CSRNP1: variants seen among roughly 807,000 people sequenced by gnomAD.
CSRNP1 encodes the protein cysteine/serine-rich nuclear protein 1.
In CSRNP1, 8 loss-of-function variants were observed where a neutral mutation model predicts 25.0. The ratio of observed to expected loss-of-function variants is 0.32; its 90% CI spans 0.19 to 0.58. The LOEUF (loss-of-function observed/expected upper bound fraction) is 0.58, where lower values mean the gene tolerates loss of function less well. Ranked by LOEUF, CSRNP1 falls within the 20% of genes least tolerant of loss-of-function variation. The pLI, the probability that CSRNP1 is intolerant of heterozygous loss-of-function variation, is 0.88. For missense variants in CSRNP1, 691 were observed against 773.1 expected (o/e 0.89, Z 1.26); for synonymous variants, 305 against 303.1 (o/e 1.01, Z -0.06).
intron 1 of CSRNP1, chr3:39,153,191 T>C (rs2039608407): frequency 6.6e-6 from 1 of 151,936 alleles, no homozygotes; most frequent in Non-Finnish European, 1.5e-5. Flanking sequence ...CGGGGAGCCG[T>C]GACTTCTCTC....
rs1187579828 is a variant in CSRNP1, at chr3:39,143,979, C to T, written c.846G>A (p.Val282=). 1 of 1,614,008 alleles carries T rather than the reference C, an allele frequency of 6.2e-7. No individual in the cohort carries two copies. The highest frequency in any genetic ancestry group is 8.5e-7 in the Non-Finnish European group (1 of 1,180,024). Residue 282 remains valine, a synonymous_variant, in exon 5 of 5, where the codon GTG becomes GTA. Coordinates refer to ENST00000273153, the MANE Select transcript of CSRNP1 (RefSeq NM_033027.4). ...REGCENPMGR[V]EFNQARVQTH... Reference sequence around the variant, plus strand: ...TCTGAACTCTTGCCTGATTAAATTCCACACGGCCCATGGGGTTCTCACAGC... The same window carrying T: ...TCTGAACTCTTGCCTGATTAAATTCTACACGGCCCATGGGGTTCTCACAGC...
chr3:39,144,224 G>A lies in CSRNP1; in HGVS notation c.693C>T (p.Arg231=), dbSNP rs774706181. The A allele has an allele frequency of 3.7e-6, 6 of 1,614,014 alleles. No individual in the cohort carries two copies. In the African/African-American group the frequency reaches 5.3e-5, roughly 14 times the overall value. The change falls in exon 4 of 5, where the codon CGC becomes CGT. Residue 231 remains arginine (R), a synonymous_variant. Transcript: ENST00000273153. ...GACAGCCACAATCCTCCCGGGATTG[G>A]CGCAGTGCCTGCAGCTCCCGCTTCT... ...REEKRELQAL[R]QSREDCGCHC... is the part of the protein sequence containing the mutation.
Position 39,144,030 on chromosome 3 carries a change from T to G in CSRNP1, c.795A>C (p.Ala265=). ...CCTCCCTGCAGCAGCCACAGGGGAA[T>G]GCTGTGTGGTCCATCTGCAGAGAAA... ...AGIKCQMDHT[A]FPCGCCREGC... is the part of the protein sequence containing the mutation. The change falls in exon 5 of 5, where the codon GCA becomes GCC. Residue 265 remains alanine (A), a synonymous_variant. Coordinates refer to ENST00000273153, the MANE Select transcript of CSRNP1 (RefSeq NM_033027.4). 6.2e-7 allele frequency: 1 copy of G among 1,611,918 alleles called. No individual in the cohort carries two copies. The highest frequency in any genetic ancestry group is 1.1e-5 in the South Asian group (1 of 91,080).
intron 2 of CSRNP1, among the ~76,000 whole-genome samples, chr3:39,146,204 G>A (rs2039507941): frequency 6.6e-6 from 1 of 152,136 alleles, no homozygotes; most frequent in South Asian, 2.1e-4. Context: ...AAACGAAACT[G>A]GAACAGAAGG....
At chr3:39,146,409 G>A (rs2039511349) in intron 2 of CSRNP1, 69 bp downstream of exon 2, 1 of 1,472,306 alleles carries the variant, frequency 6.8e-7, no homozygotes, top group Non-Finnish European at 9.0e-7. Context: ...CATTTGGTCA[G>A]GGACTTCTAA....
chr3:39,144,248 C>T lies in CSRNP1; in HGVS notation c.669G>A (p.Glu223=). The change falls in exon 4 of 5, where the codon GAG becomes GAA. Residue 223 remains glutamate, a synonymous_variant. Coordinates refer to ENST00000273153, the MANE Select transcript of CSRNP1 (RefSeq NM_033027.4). ...GGCGCAGTGCCTGCAGCTCCCGCTT[C>T]TCCTCCCGATCGATCCTTCGCACAC... is the stretch of plus-strand genomic sequence containing the variant. ...ASGVRRIDRE[E]KRELQALRQS... 1 of 1,614,180 alleles carries T rather than the reference C, an allele frequency of 6.2e-7. No homozygotes were observed. The highest frequency in any genetic ancestry group is 8.5e-7 in the Non-Finnish European group (1 of 1,180,024).
At chr3:39,148,744 C>T (rs1009291138) in intron 1 of CSRNP1, 1 of 152,410 alleles carries the variant, frequency 6.6e-6, no homozygotes, top group African/African-American at 2.4e-5. Flanking sequence ...CCATCTATAT[C>T]CAGGCACGCC....
At position 39,146,587 on chromosome 3, in the gene CSRNP1, G is replaced by T; in HGVS notation, c.96C>A (p.Ser32=). 1 of 1,562,650 alleles carries T rather than the reference G, an allele frequency of 6.4e-7. No homozygotes were observed. Residue 32 remains serine, a synonymous_variant, in exon 2 of 5, where the codon TCC becomes TCA. Coordinates refer to ENST00000273153, the MANE Select transcript of CSRNP1 (RefSeq NM_033027.4). The stretch of plus-strand genomic sequence containing the variant: ...GGGAGACAGAAGAGCTTGGGGAGCA[G>T]GAGCGAGACTGGCACCCAGAGGAAG... ...SSSSSGCQSR[S]CSPSSSVSRA... is the part of the protein sequence containing the mutation.
In CSRNP1 at chr3:39,153,472, GACCCGCGTCCCGGCCGGGGA is replaced by G. The variant is rs2039612804; in HGVS notation, c.-95_-76del. 1 of 321,980 alleles carries G rather than the reference GACCCGCGTCCCGGCCGGGGA, an allele frequency of 3.1e-6. No homozygotes were observed. The highest frequency in any genetic ancestry group is 3.6e-5 in the Admixed American group (1 of 27,538). The allele number at this position is 321,980 out of a possible 1,614,324, so 19.9% of individuals were successfully genotyped here. ...GGACGCTCGCGGAGGACAACGACGC[GACCCGCGTCCCGGCCGGGGA>G]CGCCCCCTGCGCCGCGACTCTGTGC... On this transcript the variant is annotated 5_prime_UTR_variant, in exon 1 of 5. Coordinates refer to ENST00000273153, the MANE Select transcript of CSRNP1 (RefSeq NM_033027.4).
chr3:39,150,271 C>G (rs921841275), intron 1 of CSRNP1: 3 of 152,290 alleles, frequency 2.0e-5, no homozygotes, highest in Admixed American at 6.5e-5. Flanking sequence ...TATATCTGAT[C>G]AGACTGCAAG....
chr3:39,153,455 G>T lies in CSRNP1; in HGVS notation c.-58C>A. ...GCGCTCACCTGCAATCCGGACGCTCGCGGAGGACAACGACGCGACCCGCGT... is the reference window on the plus strand; with the variant it reads ...GCGCTCACCTGCAATCCGGACGCTCTCGGAGGACAACGACGCGACCCGCGT... On this transcript the variant is annotated 5_prime_UTR_variant, in exon 1 of 5. Coordinates refer to ENST00000273153, the MANE Select transcript of CSRNP1 (RefSeq NM_033027.4). The T allele has an allele frequency of 3.0e-6, 1 of 330,266 alleles. No homozygotes were observed. Among genetic ancestry groups the T allele is most frequent in the Non-Finnish European group, 6.3e-6 (1 of 158,358 alleles). 20.5% of individuals were successfully genotyped at this position (330,266 alleles called of 1,614,324 possible). A position where few individuals can be genotyped will look rare whatever the true frequency, so the allele number is the denominator to read the frequency against.
In CSRNP1 at chr3:39,143,464, A is replaced by C. The variant is rs2039447395; in HGVS notation, c.1361T>G (p.Leu454Arg). The C allele has an allele frequency of 6.2e-7, 1 of 1,614,046 alleles. No homozygotes were observed. Among genetic ancestry groups the C allele is most frequent in the Non-Finnish European group, 8.5e-7 (1 of 1,179,980 alleles). The change falls in exon 5 of 5, where the codon CTG becomes CGG. Residue 454 changes from leucine (L) to arginine (R), a missense_variant. Leu to Arg is a moderately radical substitution (Grantham distance 102). Coordinates refer to ENST00000273153, the MANE Select transcript of CSRNP1 (RefSeq NM_033027.4). ...GGCATCCAGGTTGGCATTCTCATCC[A>C]GGACGCCTGATGTGAAGCTACAGCC... is the stretch of plus-strand genomic sequence containing the variant. ...YSGCSFTSGV[L>R]DENANLDASC...
rs2039424965 is a variant in CSRNP1, at chr3:39,142,420, G to A, written c.*635C>T. 6.5e-6 allele frequency: 1 copy of A among 152,992 alleles called. No homozygotes were observed. The allele number at this position is 152,992 out of a possible 1,614,324, so 9.5% of individuals were successfully genotyped here. ...CACCTGCCCACAGAGCCATCTAGGA[G>A]CCAGGCAGCAGACATAGATCACAGA... On this transcript the variant is annotated 3_prime_UTR_variant, in exon 5 of 5. Coordinates refer to ENST00000273153, the MANE Select transcript of CSRNP1 (RefSeq NM_033027.4).
rs746601332 is a variant in CSRNP1 at position 39,145,063 on chromosome 3, G to A, written c.399C>T (p.Ala133=). Residue 133 remains alanine (A), a synonymous_variant, in exon 3 of 5, where the codon GCC becomes GCT. Coordinates refer to ENST00000273153, the MANE Select transcript of CSRNP1 (RefSeq NM_033027.4). Reference sequence around the variant, plus strand: ...GGCGGAGCTTCTCGTGCCGTGCACGGGCTTGCTCCTGCGCAAACTCAGCCA... The same window carrying A: ...GGCGGAGCTTCTCGTGCCGTGCACGAGCTTGCTCCTGCGCAAACTCAGCCA... ...FSLAEFAQEQ[A]RARHEKLRQR... The A allele has an allele frequency of 6.2e-7, 1 of 1,614,232 alleles. No homozygotes were observed. Among genetic ancestry groups the A allele is most frequent in the Non-Finnish European group, 8.5e-7 (1 of 1,180,034 alleles).
intron 1 of CSRNP1, 40 bp from the exon 2 acceptor site, chr3:39,146,762 A>C: frequency 1.3e-6 from 2 of 1,519,106 alleles, no homozygotes; most frequent in South Asian, 2.5e-5. Flanking sequence ...GCAGGCAGGC[A>C]GCAGCAGGTG....
chr3:39,151,588 T>C (rs1169064105), intron 1 of CSRNP1: 1 of 152,418 alleles, frequency 6.6e-6, no homozygotes, highest in Non-Finnish European at 1.5e-5. Flanking sequence ...TTCAGGAATC[T>C]GAAGAATGTG....
intron 2 of CSRNP1, among the ~76,000 whole-genome samples, chr3:39,145,892 T>A (rs535366270): frequency 2.0e-5 from 3 of 152,190 alleles, no homozygotes; most frequent in Non-Finnish European, 4.4e-5. Context: ...AGCACATCTA[T>A]TGTATTAAAA....
In CSRNP1 at chr3:39,145,192, G is replaced by T. The variant is rs145578074; in HGVS notation, c.270C>A (p.Thr90=). 2 of 1,613,996 alleles carry T rather than the reference G, an allele frequency of 1.2e-6. No individual in the cohort carries two copies. Among genetic ancestry groups the T allele is most frequent in the Non-Finnish European group, 1.7e-6 (2 of 1,179,940 alleles). ...RPGRVAFDGI[T]VFYFPRCQGF... Reference sequence around the variant, plus strand: ...CCTGGCAGCGGGGGAAGTAGAAGACGGTGATCCCATCAAAGGCTACACGGC... The same window carrying T: ...CCTGGCAGCGGGGGAAGTAGAAGACTGTGATCCCATCAAAGGCTACACGGC... The change falls in exon 3 of 5, where the codon ACC becomes ACA. Residue 90 remains threonine (T), a synonymous_variant. Coordinates refer to ENST00000273153, the MANE Select transcript of CSRNP1 (RefSeq NM_033027.4).
chr3:39,143,148 G>A lies in CSRNP1; in HGVS notation c.1677C>T (p.Phe559=), dbSNP rs984645145. The A allele has an allele frequency of 6.2e-7, 1 of 1,614,138 alleles. No individual in the cohort carries two copies. ...CTAGGGCTTCGGCGGCTGGCTCGGA[G>A]AAGCCCATGAGGGACTCCAGGAAGC... ...SSCFLESLMG[F]SEPAAEALDP... Residue 559 remains phenylalanine, a synonymous_variant, in exon 5 of 5, where the codon TTC becomes TTT. Transcript: ENST00000273153.
Sources: gnomAD v4.1 joint callset for allele counts (sites outside exome capture counted in the v4.1 genomes callset) on GRCh38, gnomAD v4.1.1 for gene constraint, MANE v1.5 for transcripts, NCBI Gene and HGNC (gene_info 2026-07-23, HGNC 2026-07-21) for gene names.